Variants in PTDSS2 observed in about 807,000 individuals in gnomAD.
The protein encoded by PTDSS2 is phosphatidylserine synthase 2.
Under a neutral mutation model 64.7 loss-of-function variants are expected in PTDSS2, and 41 were observed. The observed-to-expected ratio is 0.63, with a 90% CI of 0.49 to 0.82. The LOEUF (loss-of-function observed/expected upper bound fraction) is 0.82, where lower values mean the gene tolerates loss of function less well. PTDSS2 is among the 40% of genes least tolerant of loss of function. The probability of loss-of-function intolerance (pLI) is 0.00; values close to 1 mark genes in which losing one functional copy is unlikely to be tolerated. For synonymous variants in PTDSS2, 297 were observed against 277.8 expected, an observed-to-expected ratio of 1.07 and a Z score of -0.69; for missense variants, 485 against 650.0, an observed-to-expected ratio of 0.75 and a Z score of 2.76.
chr11:473,796 G>A lies in PTDSS2; in HGVS notation c.285-99G>A, dbSNP rs111825196. On this transcript the variant is annotated intron_variant, in intron 2 of 11. Transcript: ENST00000308020. ...CCTTCCTCCCGCCCCAGCATCAGGGGCTGTTCCACAATGGGTGTCTGGGGG... is the reference window on the plus strand; with the variant it reads ...CCTTCCTCCCGCCCCAGCATCAGGGACTGTTCCACAATGGGTGTCTGGGGG... 2.1e-3 allele frequency: 1,924 copies of A among 919,786 alleles called. 32 individuals carry two copies. In the African/African-American group the frequency reaches 0.028, roughly 13 times the overall value. The allele number at this position is 919,786 out of a possible 1,614,324, so 57.0% of individuals were successfully genotyped here.
intron 1 of PTDSS2, among the ~76,000 whole-genome samples, chr11:454,014 C>A (rs374548430): frequency 2.0e-5 from 3 of 152,226 alleles, no homozygotes; most frequent in African/African-American, 4.8e-5. Flanking sequence ...ACAGACCTGG[C>A]GTCCTGGGAG....
At position 462,980 on chromosome 11, in the gene PTDSS2, A is replaced by G. The variant is rs1846961600; in HGVS notation, c.284+2692A>G. The G allele has an allele frequency of 6.6e-6, 1 of 150,894 alleles. No individual in the cohort carries two copies. The highest frequency in any genetic ancestry group is 2.1e-4 in the South Asian group (1 of 4,782). 9.3% of individuals were successfully genotyped at this position (150,894 alleles called of 1,614,324 possible). Reference sequence around the variant, plus strand: ...TCAAGAGATCGAGACCAACCTAACCAACATGGTGAAATCCTGTCTCTACTA... The same window carrying G: ...TCAAGAGATCGAGACCAACCTAACCGACATGGTGAAATCCTGTCTCTACTA... On this transcript the variant is annotated intron_variant, in intron 2 of 11. Transcript: ENST00000308020. The surrounding 1 kb of genome is among the most constrained non-coding windows in gnomAD (Gnocchi z 4.5).
At position 483,805 on chromosome 11, in the gene PTDSS2, G is replaced by C. The variant is rs111435122; in HGVS notation, c.436-3134G>C. 8.0e-3 allele frequency among the ~76,000 whole-genome samples: 1,220 copies of C among 151,802 alleles called. 19 individuals carry two copies. Among genetic ancestry groups the C allele is most frequent in the African/African-American group, 0.029 (1,171 of 41,056 alleles). Reference sequence around the variant, plus strand: ...GTCTTGTTCTGGCTTTGGCACCAGGGTTTGTGAGGATGTCTGACGTTTTCT... The same window carrying C: ...GTCTTGTTCTGGCTTTGGCACCAGGCTTTGTGAGGATGTCTGACGTTTTCT... On this transcript the variant is annotated intron_variant, in intron 4 of 11. Transcript: ENST00000308020.
intron 2 of PTDSS2, among the ~76,000 whole-genome samples, chr11:468,441 G>A (rs770295341): frequency 3.3e-5 from 5 of 152,274 alleles, no homozygotes; most frequent in South Asian, 2.1e-4. Flanking sequence ...CGAGCAGACC[G>A]TGTGCAGATT....
intron 4 of PTDSS2, chr11:480,663 A>AT (rs1358515266): frequency 1.3e-5 from 2 of 152,410 alleles, no homozygotes; most frequent in Non-Finnish European, 2.9e-5. Flanking sequence ...GGTTCAAGTG[A>AT]TTCTCCTGCC....
intron 2 of PTDSS2, among the ~76,000 whole-genome samples, chr11:466,607 C>G (rs1363926262): frequency 1.3e-5 from 2 of 151,990 alleles, no homozygotes; most frequent in African/African-American, 4.8e-5. Context: ...CGAGGTTTCA[C>G]CATGTTGGCC....
chr11:465,002 G>A (rs571804212), intron 2 of PTDSS2, among the ~76,000 whole-genome samples: 9 of 152,134 alleles, frequency 5.9e-5, no homozygotes, highest in African/African-American at 1.4e-4. Flanking sequence ...AGGCGCGCAC[G>A]ACTGCAGGCA....
chr11:456,290 C>G (rs1182210051), intron 1 of PTDSS2, among the ~76,000 whole-genome samples: 3 of 150,776 alleles, frequency 2.0e-5, no homozygotes, highest in Non-Finnish European at 4.4e-5. Flanking sequence ...TCCCCTCACC[C>G]TCCCTCTTCC....
chr11:452,462 G>A (rs1289661132), intron 1 of PTDSS2, among the ~76,000 whole-genome samples: 1 of 152,254 alleles, frequency 6.6e-6, no homozygotes, highest in Non-Finnish European at 1.5e-5. Flanking sequence ...CTCTTTAGAA[G>A]CCCAGACCAG....
At chr11:448,862 A>G (rs1252565766), upstream of PTDSS2, among the ~76,000 whole-genome samples, 2 of 152,248 alleles carry the variant, frequency 1.3e-5, no homozygotes, top group Admixed American at 1.3e-4. Context: ...GGACATTCAC[A>G]GATAGGAGCT....
intron 2 of PTDSS2, 87 bp from the exon 3 acceptor site, chr11:473,808 T>C (rs1466717058): frequency 2.0e-6 from 2 of 1,006,368 alleles, no homozygotes; most frequent in African/African-American, 3.2e-5. Flanking sequence ...TGTTCCACAA[T>C]GGGTGTCTGG....
chr11:474,129 G>C, intron 3 of PTDSS2, 152 bp downstream of exon 3: 1 of 722,460 alleles, frequency 1.4e-6, no homozygotes, highest in Non-Finnish European at 2.5e-6. Flanking sequence ...ATGGACAAGG[G>C]CGTGGGGTTC....
intron 11 of PTDSS2, 69 bp downstream of exon 11, chr11:490,137 T>A: frequency 6.7e-7 from 1 of 1,482,618 alleles, no homozygotes; most frequent in Non-Finnish European, 9.1e-7. Flanking sequence ...ACAGGCACTG[T>A]GGGAGTTTGG....
chr11:458,802 A>G (rs1846721928), intron 1 of PTDSS2: 1 of 152,196 alleles, frequency 6.6e-6, no homozygotes, highest in Admixed American at 6.5e-5. Context: ...AAGTTTTATC[A>G]GATATATGTA....
chr11:480,186 G>C (rs1327485111), intron 4 of PTDSS2: 1 of 153,702 alleles, frequency 6.5e-6, no homozygotes, highest in Non-Finnish European at 1.4e-5. Flanking sequence ...GGTTCACCCA[G>C]GATCATGCGG....
At chr11:477,126 A>G (rs1847844335) in intron 3 of PTDSS2, among the ~76,000 whole-genome samples, 1 of 152,194 alleles carries the variant, frequency 6.6e-6, no homozygotes, top group African/African-American at 2.4e-5. Flanking sequence ...CGGCAGCTGT[A>G]GCCGTAGCCA....
chr11:473,957 C>T lies in PTDSS2; in HGVS notation c.347C>T (p.Pro116Leu). ...GGAGTCACACAAGCTAAAGACGGGC[C>T]ATTTTCCAGACCTCATCCAGGTAAC... ...CFGVTQAKDG[P>L]FSRPHPAYWR... Residue 116 changes from proline (P) to leucine (L), a missense_variant, in exon 3 of 12, where the codon CCA becomes CTA. By Grantham distance (98) the Pro-to-Leu change is moderately conservative. Coordinates refer to ENST00000308020, the MANE Select transcript of PTDSS2 (RefSeq NM_030783.3). The T allele has an allele frequency of 1.9e-6, 3 of 1,614,020 alleles. No homozygotes were observed. Among genetic ancestry groups the T allele is most frequent in the Non-Finnish European group, 2.5e-6 (3 of 1,179,846 alleles).
At chr11:471,987 G>A (rs1186525767) in intron 2 of PTDSS2, among the ~76,000 whole-genome samples, 1 of 139,604 alleles carries the variant, frequency 7.2e-6, no homozygotes. Flanking sequence ...CTGGGGTGAC[G>A]CGGATGGCGG....
At chr11:484,221 G>C (rs1357857871) in intron 4 of PTDSS2, among the ~76,000 whole-genome samples, 3 of 152,186 alleles carry the variant, frequency 2.0e-5, no homozygotes, top group African/African-American at 4.8e-5. Context: ...CGTGGTTCCT[G>C]TATTGCTTTC....
Sources: allele counts gnomAD v4.1 joint callset (sites outside exome capture counted in the v4.1 genomes callset), GRCh38; gene constraint gnomAD v4.1.1; non-coding constraint Gnocchi (gnomAD v3.1); transcripts MANE v1.5; gene names NCBI Gene and HGNC (gene_info 2026-07-23, HGNC 2026-07-21).